ADAMTSL1: variants seen among roughly 807,000 people sequenced by gnomAD.
ADAMTSL1 encodes ADAMTS like 1, also known as ADAMTS-like protein 1.
Under a neutral mutation model 201.8 loss-of-function variants are expected in ADAMTSL1, and 126 were observed. The ratio of observed to expected loss-of-function variants is 0.62; its 90% CI spans 0.54 to 0.72. ADAMTSL1 has a LOEUF of 0.72. ADAMTSL1 is among the 30% of genes least tolerant of loss of function. The pLI is 0.00. For missense variants in ADAMTSL1, 2,679 were observed against 2,277.8 expected (o/e 1.18, Z -3.59); for synonymous variants, 1,121 against 903.4 (o/e 1.24, Z -4.32).
At chr9:18,719,597 C>A (rs967664890) in intron 14 of ADAMTSL1, among the ~76,000 whole-genome samples, 1 of 152,324 alleles carries the variant, frequency 6.6e-6, no homozygotes. Flanking sequence ...CTCCTGACTT[C>A]AGGTCATCCG....
At chr9:18,037,102 A>G (rs1821232071) in intron 1 of ADAMTSL1, among the ~76,000 whole-genome samples, 1 of 152,164 alleles carries the variant, frequency 6.6e-6, no homozygotes, top group Non-Finnish European at 1.5e-5. Flanking sequence ...TCTTGGAAGT[A>G]TTTGCATTTT....
At chr9:18,056,829 C>A (rs970856987) in intron 1 of ADAMTSL1, among the ~76,000 whole-genome samples, 2 of 152,176 alleles carry the variant, frequency 1.3e-5, no homozygotes, top group Non-Finnish European at 2.9e-5. Flanking sequence ...TCTCTCCCTG[C>A]AGTGCCCTTC....
At chr9:18,823,052 CT>C (rs909338474) in intron 21 of ADAMTSL1, among the ~76,000 whole-genome samples, 3 of 152,218 alleles carry the variant, frequency 2.0e-5, no homozygotes, top group Non-Finnish European at 2.9e-5. Flanking sequence ...TATGGAAGGA[CT>C]GGCTGTCACT....
chr9:18,533,931 C>A (rs112868509), intron 3 of ADAMTSL1, among the ~76,000 whole-genome samples: 22 of 152,172 alleles, frequency 1.4e-4, no homozygotes, highest in African/African-American at 5.1e-4. Flanking sequence ...CTGTGACTAG[C>A]CCATATTGGA....
chr9:18,436,570 A>G (rs555355901), intron 2 of ADAMTSL1, among the ~76,000 whole-genome samples: 3 of 152,020 alleles, frequency 2.0e-5, no homozygotes, highest in South Asian at 4.1e-4. Context: ...CACTTCCCCA[A>G]TTGCCCAGTA....
intron 2 of ADAMTSL1, among the ~76,000 whole-genome samples, chr9:18,272,810 G>T (rs755993781): frequency 1.3e-5 from 2 of 151,986 alleles, no homozygotes; most frequent in South Asian, 4.2e-4. Flanking sequence ...CATCTCCTCC[G>T]TGAAGCCTTT....
At chr9:18,379,714 A>G (rs1488132177) in intron 2 of ADAMTSL1, among the ~76,000 whole-genome samples, 3 of 152,232 alleles carry the variant, frequency 2.0e-5, no homozygotes, top group Non-Finnish European at 2.9e-5. Flanking sequence ...GGATGAGAGC[A>G]TAAAATAGAA....
rs550812237 is a variant in ADAMTSL1, at chr9:18,291,908, C to T, written c.207+127927C>T. Among the ~76,000 whole-genome samples, 7 of 152,190 alleles carry T rather than the reference C, an allele frequency of 4.6e-5. No individual in the cohort carries two copies. The South Asian group carries it at 1.5e-3, about 32-fold the overall frequency. On this transcript the variant is annotated intron_variant, in intron 2 of 29. Transcript: ENST00000680146. Reference sequence around the variant, plus strand: ...CTTCACACAGGGATATGCCTTTACGCTTTGCAGCCAATGTTGTTCATGCAA... The same window carrying T: ...CTTCACACAGGGATATGCCTTTACGTTTTGCAGCCAATGTTGTTCATGCAA...
chr9:18,890,695 C>G (rs1051097369), intron 25 of ADAMTSL1: 5 of 429,152 alleles, frequency 1.2e-5, no homozygotes, highest in African/African-American at 1.0e-4. Flanking sequence ...TGAACTGTAA[C>G]ATAGCCTGGC....
intron 1 of ADAMTSL1, among the ~76,000 whole-genome samples, chr9:17,949,659 A>G (rs1827650865): frequency 2.6e-5 from 4 of 152,316 alleles, no homozygotes; most frequent in South Asian, 2.1e-4. Context: ...CACAGGCAGC[A>G]TGGTAGTAGA....
chr9:18,536,259 C>G (rs963725556), intron 3 of ADAMTSL1, among the ~76,000 whole-genome samples: 1 of 152,120 alleles, frequency 6.6e-6, no homozygotes, highest in Non-Finnish European at 1.5e-5. Context: ...TTGAGAGTCT[C>G]TTAGCTAAAT....
In ADAMTSL1 at chr9:18,210,570, T is replaced by C. The variant is rs187077484; in HGVS notation, c.207+46589T>C. Among the ~76,000 whole-genome samples, 129 of 149,572 alleles carry C rather than the reference T, an allele frequency of 8.6e-4. 1 individual carries two copies. The highest frequency in any genetic ancestry group is 3.1e-3 in the African/African-American group (126 of 41,052). The stretch of plus-strand genomic sequence containing the variant: ...AGGAATGCTAAGATGGATTTGTTAG[T>C]AGATGAAAAAAATTATTAATATTCC... On this transcript the variant is annotated intron_variant, in intron 2 of 29. Coordinates refer to the ADAMTSL1 transcript ENST00000680146.
chr9:18,837,679 A>G (rs986654844), intron 23 of ADAMTSL1, among the ~76,000 whole-genome samples: 1 of 152,256 alleles, frequency 6.6e-6, no homozygotes, highest in Non-Finnish European at 1.5e-5. Flanking sequence ...TTATAAGTAC[A>G]GTTTTACTGT....
chr9:18,680,098 T>A (rs781196480), intron 10 of ADAMTSL1, among the ~76,000 whole-genome samples: 1 of 152,232 alleles, frequency 6.6e-6, no homozygotes, highest in African/African-American at 2.4e-5. Context: ...TACATTTGTA[T>A]AGAGCTTCAC....
intron 26 of ADAMTSL1, 128 bp from the exon 27 acceptor site, chr9:18,905,654 A>G: frequency 1.5e-6 from 1 of 664,066 alleles, no homozygotes; most frequent in Non-Finnish European, 2.7e-6. Context: ...AAAGAGGGGA[A>G]AGATGAATGG....
At chr9:18,097,606 A>G (rs1387633321) in intron 1 of ADAMTSL1, among the ~76,000 whole-genome samples, 3 of 152,136 alleles carry the variant, frequency 2.0e-5, no homozygotes, top group African/African-American at 7.2e-5. Context: ...ATTTTCATCA[A>G]TCTAATGCAT....
chr9:18,344,324 C>G (rs1835602631), intron 2 of ADAMTSL1, among the ~76,000 whole-genome samples: 1 of 151,622 alleles, frequency 6.6e-6, no homozygotes, highest in African/African-American at 2.4e-5. Flanking sequence ...TTTTAATTAA[C>G]AAAATTTATT....
At chr9:18,633,905 T>A (rs1186223414) in intron 5 of ADAMTSL1, among the ~76,000 whole-genome samples, 6 of 145,702 alleles carry the variant, frequency 4.1e-5, no homozygotes, top group African/African-American at 1.3e-4. Context: ...TGAAACACTA[T>A]TTAAAAAAAA....
chr9:17,983,602 C>G (rs969540062), intron 1 of ADAMTSL1, among the ~76,000 whole-genome samples: 4 of 152,120 alleles, frequency 2.6e-5, no homozygotes, highest in African/African-American at 9.7e-5. Flanking sequence ...ATGTAATTGA[C>G]TAGCCTTGTG....
Sources: gnomAD v4.1 joint callset for allele counts (sites outside exome capture counted in the v4.1 genomes callset) on GRCh38, gnomAD v4.1.1 for gene constraint, MANE v1.5 for transcripts, NCBI Gene and HGNC (gene_info 2026-07-23, HGNC 2026-07-21) for gene names.